PHLPP2: variants seen among roughly 807,000 people sequenced by gnomAD.
PHLPP2 encodes PH domain leucine-rich repeat-containing protein phosphatase 2.
PHLPP2 carries 66 observed loss-of-function variants against 124.9 expected under a neutral mutation model. That is an observed-to-expected ratio of 0.53 (90% CI 0.43 to 0.65). The LOEUF is 0.65. Among genes scored for constraint, PHLPP2 ranks in the 30% least tolerant of loss-of-function variants. The pLI is 0.00. For synonymous variants in PHLPP2, 681 were observed against 624.7 expected (o/e 1.09, Z -1.34); for missense variants, 1,685 against 1,600.4 (o/e 1.05, Z -0.90).
intron 13 of PHLPP2, among the ~76,000 whole-genome samples, chr16:71,660,566 C>T (rs2044780454): frequency 6.6e-6 from 1 of 151,466 alleles, no homozygotes; most frequent in Non-Finnish European, 1.5e-5. Context: ...GCTGGGACTA[C>T]AGGCACCCGC....
At chr16:71,701,763 A>G (rs2045235188) in intron 3 of PHLPP2, among the ~76,000 whole-genome samples, 1 of 2,832 alleles carries the variant, frequency 3.5e-4, no homozygotes, top group Non-Finnish European at 5.0e-4. Context: ...TGAAAATAGG[A>G]AGTAAAGTAC....
chr16:71,697,115 G>A (rs1401986755), intron 3 of PHLPP2, among the ~76,000 whole-genome samples: 2 of 151,888 alleles, frequency 1.3e-5, no homozygotes, highest in African/African-American at 2.4e-5. Flanking sequence ...GGAGGTTGCA[G>A]TGAGCTGAGA....
intron 17 of PHLPP2, among the ~76,000 whole-genome samples, chr16:71,653,401 A>T (rs1366277343): frequency 2.0e-5 from 3 of 152,122 alleles, no homozygotes; most frequent in African/African-American, 7.2e-5. Flanking sequence ...AGTGGGTAAG[A>T]GGCTGGCCCA....
intron 2 of PHLPP2, among the ~76,000 whole-genome samples, chr16:71,714,182 C>G (rs551080380): frequency 1.3e-5 from 2 of 152,230 alleles, no homozygotes; most frequent in Non-Finnish European, 2.9e-5. Flanking sequence ...TCAAGTGATA[C>G]ACCCACCTCA....
chr16:71,653,508 A>AG (rs2044713646), intron 17 of PHLPP2, among the ~76,000 whole-genome samples: 1 of 152,258 alleles, frequency 6.6e-6, no homozygotes, highest in African/African-American at 2.4e-5. Flanking sequence ...AAGTTCCTCG[A>AG]GGGAAGGACC....
rs1183947457 is a variant in PHLPP2, at chr16:71,645,094, C to T, written c.*3796G>A. Reference sequence around the variant, plus strand: ...TACACTATAATGAGTCTTAAGACTACAATACGACAATGATTGCACAAAACC... The same window carrying T: ...TACACTATAATGAGTCTTAAGACTATAATACGACAATGATTGCACAAAACC... On this transcript the variant is annotated 3_prime_UTR_variant, in exon 19 of 19. Coordinates refer to ENST00000568954, the MANE Select transcript of PHLPP2 (RefSeq NM_015020.3). 1.4e-5 allele frequency: 3 copies of T among 219,800 alleles called. No individual in the cohort carries two copies. In the East Asian group the frequency reaches 4.3e-4, roughly 32 times the overall value. 13.6% of individuals were successfully genotyped at this position (219,800 alleles called of 1,614,324 possible). A position where few individuals can be genotyped will look rare whatever the true frequency, so the allele number is the denominator to read the frequency against.
intron 13 of PHLPP2, 34 bp from the exon 14 acceptor site, chr16:71,658,849 C>T: frequency 6.3e-7 from 1 of 1,595,984 alleles, no homozygotes; most frequent in Non-Finnish European, 8.6e-7. Context: ...TATAATGCAC[C>T]AAGACTGAGC....
chr16:71,683,169 CA>C (rs1025500382), intron 5 of PHLPP2, among the ~76,000 whole-genome samples: 95 of 131,442 alleles, frequency 7.2e-4, no homozygotes, highest in Admixed American at 7.8e-4. Context: ...ACTCTGTCTC[CA>C]AAAAAAAAAA....
At chr16:71,669,978 G>A (rs1470293651) in intron 10 of PHLPP2, among the ~76,000 whole-genome samples, 4 of 152,198 alleles carry the variant, frequency 2.6e-5, no homozygotes, top group African/African-American at 9.7e-5. Context: ...GAATGAAGCA[G>A]CGCTATGTAA....
At chr16:71,685,519 G>A (rs926667595) in intron 4 of PHLPP2, among the ~76,000 whole-genome samples, 2 of 151,876 alleles carry the variant, frequency 1.3e-5, no homozygotes, top group African/African-American at 2.4e-5. Context: ...TGAACCAAGC[G>A]GCAGAAACAA....
chr16:71,669,303 A>G lies in PHLPP2; in HGVS notation c.1600T>C (p.Tyr534His), dbSNP rs761833594. Residue 534 changes from tyrosine to histidine, a missense_variant, in exon 11 of 19, where the codon TAT becomes CAT. Physicochemically the swap from Tyr to His is moderately conservative, Grantham distance 83. Transcript: ENST00000568954. The part of the protein sequence containing the change: ...AKKIEVLDVS[Y>H]NLLTEVPVRI... The stretch of plus-strand genomic sequence containing the variant: ...ACGGGAACCTCTGTGAGAAGATTAT[A>G]GCTCACATCTAATACTTCTATCTTC... 9 of 1,611,812 alleles carry G rather than the reference A, an allele frequency of 5.6e-6. No individual in the cohort carries two copies. The highest frequency in any genetic ancestry group is 7.6e-6 in the Non-Finnish European group (9 of 1,178,820).
At chr16:71,676,686 G>C in intron 8 of PHLPP2, 37 bp from the exon 9 acceptor site, 2 of 1,418,728 alleles carry the variant, frequency 1.4e-6, no homozygotes, top group Non-Finnish European at 1.0e-6. Context: ...TCATAAATAA[G>C]AGTCTATTAA....
chr16:71,723,649 G>A, intron 1 of PHLPP2: 2 of 410,166 alleles, frequency 4.9e-6, no homozygotes, highest in Non-Finnish European at 7.8e-6. Flanking sequence ...GGGGGCCGCC[G>A]ACTGCCTCAG....
chr16:71,651,148 G>A (rs1183628100), intron 18 of PHLPP2, among the ~76,000 whole-genome samples: 1 of 152,122 alleles, frequency 6.6e-6, no homozygotes, highest in Admixed American at 6.5e-5. Flanking sequence ...ATACCAGCCT[G>A]ACCAACATGG....
chr16:71,701,158 C>A (rs2045228867), intron 3 of PHLPP2, among the ~76,000 whole-genome samples: 1 of 152,090 alleles, frequency 6.6e-6, no homozygotes, highest in Non-Finnish European at 1.5e-5. Context: ...TCCAGCTAAA[C>A]TGCTCCTAGA....
At chr16:71,707,726 T>A (rs1211663896) in intron 2 of PHLPP2, among the ~76,000 whole-genome samples, 1 of 152,208 alleles carries the variant, frequency 6.6e-6, no homozygotes, top group Non-Finnish European at 1.5e-5. Context: ...GACCTCACCC[T>A]ATGTGTCTCT....
At chr16:71,653,659 C>A (rs559711580) in intron 17 of PHLPP2, among the ~76,000 whole-genome samples, 2 of 152,206 alleles carry the variant, frequency 1.3e-5, no homozygotes, top group Admixed American at 1.3e-4. Flanking sequence ...ACTCAGCAAG[C>A]CATTTCTCCA....
At chr16:71,659,812 T>A (rs1036945885) in intron 13 of PHLPP2, among the ~76,000 whole-genome samples, 1 of 152,196 alleles carries the variant, frequency 6.6e-6, no homozygotes, top group Non-Finnish European at 1.5e-5. Flanking sequence ...AATAATAAAC[T>A]GCTGTTAACA....
rs147523135 is a variant in PHLPP2, at chr16:71,689,804, C to CA, written c.609+714dup. On this transcript the variant is annotated intron_variant, in intron 4 of 18. Transcript: ENST00000568954. ...AGCTGGGATTACAGGCACAAGCTAC[C>CA]ACGCCCAGCTTATTTATCTTTTTCA... 4.3e-3 allele frequency among the ~76,000 whole-genome samples: 655 copies of CA among 152,188 alleles called. 11 individuals are homozygous for CA. Among genetic ancestry groups the CA allele is most frequent in the African/African-American group, 0.015 (635 of 41,524 alleles).
Sources: gnomAD v4.1 joint callset for allele counts (sites outside exome capture counted in the v4.1 genomes callset) on GRCh38, gnomAD v4.1.1 for gene constraint, MANE v1.5 for transcripts, NCBI Gene and HGNC (gene_info 2026-07-23, HGNC 2026-07-21) for gene names.